RMDN3: variants seen among roughly 807,000 people sequenced by gnomAD.
RMDN3 encodes regulator of microtubule dynamics protein 3.
In RMDN3, 41 loss-of-function variants were observed where a neutral mutation model predicts 61.8. The ratio of observed to expected loss-of-function variants is 0.66; its 90% CI spans 0.52 to 0.86. The LOEUF is 0.86. RMDN3 is among the 40% of genes least tolerant of loss of function. The pLI is 0.00. For missense variants in RMDN3, 557 were observed against 585.3 expected (o/e 0.95, Z 0.50); for synonymous variants, 247 against 232.0 (o/e 1.06, Z -0.59).
intron 5 of RMDN3, 27 bp downstream of exon 5, chr15:40,744,950 G>C (rs762192542): frequency 1.3e-6 from 2 of 1,563,850 alleles, no homozygotes; most frequent in South Asian, 2.4e-5. Context: ...GAGGGAAGGA[G>C]AAGGAGACAG....
At chr15:40,751,736 C>T in intron 3 of RMDN3, 167 bp from the exon 4 acceptor site, 2 of 1,014,668 alleles carry the variant, frequency 2.0e-6, no homozygotes, top group South Asian at 2.7e-5. Context: ...TTCCTGGGCC[C>T]AGCCCGCACA....
chr15:40,736,608 G>A lies in RMDN3; in HGVS notation c.1360-14C>T, dbSNP rs751369428. On this transcript the variant is annotated splice_polypyrimidine_tract_variant and intron_variant, in intron 12 of 12. Coordinates refer to ENST00000338376, the MANE Select transcript of RMDN3 (RefSeq NM_018145.3). The stretch of plus-strand genomic sequence containing the variant: ...GATAGCCAAATCCTAGGGAGACAAA[G>A]AACAAATCTAGGGCTCAAAATTTAA... 87 of 1,613,070 alleles carry A rather than the reference G, an allele frequency of 5.4e-5. No individual in the cohort carries two copies. The highest frequency in any genetic ancestry group is 6.9e-5 in the Non-Finnish European group (81 of 1,179,328).
intron 2 of RMDN3, among the ~76,000 whole-genome samples, chr15:40,753,712 G>A (rs964554495): frequency 3.3e-5 from 5 of 152,134 alleles, no homozygotes; most frequent in African/African-American, 7.2e-5. Context: ...GCCCTATGCC[G>A]TAGAAAGTCC....
chr15:40,746,920 A>G (rs1263125062), intron 4 of RMDN3, among the ~76,000 whole-genome samples: 1 of 152,136 alleles, frequency 6.6e-6, no homozygotes, highest in Non-Finnish European at 1.5e-5. Context: ...GGACAAGGAT[A>G]AGTGTCATTA....
At chr15:40,754,552 C>T (rs769976365) in intron 2 of RMDN3, 45 bp downstream of exon 2, 4 of 1,558,858 alleles carry the variant, frequency 2.6e-6, no homozygotes, top group Non-Finnish European at 3.5e-6. Flanking sequence ...AGACCTCAGG[C>T]CCATTAGTCT....
chr15:40,754,394 CG>C (rs527294745), intron 2 of RMDN3, among the ~76,000 whole-genome samples: 2,043 of 152,274 alleles, frequency 0.013, 22 homozygotes, highest in Middle Eastern at 0.037. Flanking sequence ...GTGATCCGCC[CG>C]CCTCGGCCTC....
rs756574720 is a variant in RMDN3, at chr15:40,746,516, C to CAA, written c.525-1259_525-1258dup. Among the ~76,000 whole-genome samples the CAA allele has an allele frequency of 2.4e-3, 205 of 85,790 alleles. 3 individuals carry two copies. Among genetic ancestry groups the CAA allele is most frequent in the East Asian group, 8.4e-3 (26 of 3,080 alleles). 56.3% of individuals were successfully genotyped at this position (85,790 alleles called of 152,430 possible). On this transcript the variant is annotated intron_variant, in intron 4 of 12. Coordinates refer to ENST00000338376, the MANE Select transcript of RMDN3 (RefSeq NM_018145.3). The stretch of plus-strand genomic sequence containing the variant: ...TGGGCGACAGAGCAAGACTCCGTCT[C>CAA]AAAAAAAAAAAAAAAAAAGAATAGG...
chr15:40,736,727 T>C, intron 12 of RMDN3, 133 bp from the exon 13 acceptor site: 1 of 742,058 alleles, frequency 1.3e-6, no homozygotes, highest in Admixed American at 2.6e-5. Flanking sequence ...TTCCCCAGGA[T>C]AGCCTGGAGC....
intron 4 of RMDN3, among the ~76,000 whole-genome samples, chr15:40,746,966 C>T (rs1338502160): frequency 2.0e-5 from 3 of 151,882 alleles, no homozygotes; most frequent in African/African-American, 7.3e-5. Context: ...ATGAGGGAGA[C>T]CACCCACAGG....
Position 40,737,957 on chromosome 15 carries a change from C to T in RMDN3, c.1125+8G>A. On this transcript the variant is annotated splice_region_variant and intron_variant, in intron 9 of 12. Coordinates refer to ENST00000338376, the MANE Select transcript of RMDN3 (RefSeq NM_018145.3). ...GACCATTATGTCAAGCACTGAAACGCAGCTTACCTGATAGCACCACCTGCC... is the reference window on the plus strand; with the variant it reads ...GACCATTATGTCAAGCACTGAAACGTAGCTTACCTGATAGCACCACCTGCC... 1.9e-6 allele frequency: 3 copies of T among 1,614,066 alleles called. No individual in the cohort carries two copies. Among genetic ancestry groups the T allele is most frequent in the Non-Finnish European group, 2.5e-6 (3 of 1,179,940 alleles).
rs1302207954 is a variant in RMDN3 at position 40,737,148 on chromosome 15, C to T, written c.1335G>A (p.Leu445=). 1.9e-6 allele frequency: 3 copies of T among 1,614,212 alleles called. No individual in the cohort carries two copies. Among genetic ancestry groups the T allele is most frequent in the East Asian group, 2.2e-5 (1 of 44,884 alleles). The stretch of plus-strand genomic sequence containing the variant: ...CCTCCTTCGTGACATCTGGCAGCTC[C>T]AGGGCCAACTTCATCCACCATCTAG... The part of the protein sequence containing the change: ...SEARWWMKLA[L]ELPDVTKEDL... The change falls in exon 12 of 13, where the codon CTG becomes CTA. Residue 445 remains leucine, a synonymous_variant. Transcript: ENST00000338376.
In RMDN3 at chr15:40,752,897, A is replaced by C. The variant is rs1003503738; in HGVS notation, c.188-719T>G. On this transcript the variant is annotated intron_variant, in intron 2 of 12. Coordinates refer to ENST00000338376, the MANE Select transcript of RMDN3 (RefSeq NM_018145.3). ...GGCAGGACCCTACAATACGGCAAGC[A>C]TAAATCCCTTCTTAAAGGAAATCTG... is the stretch of plus-strand genomic sequence containing the variant. Among the ~76,000 whole-genome samples, 30 of 152,356 alleles carry C rather than the reference A, an allele frequency of 2.0e-4. 1 individual carries two copies. The highest frequency in any genetic ancestry group is 7.0e-4 in the African/African-American group (29 of 41,596).
chr15:40,741,620 A>ATTTTTTTTTTTTTTTTTTTTTTTTTT (rs553262858), intron 6 of RMDN3, among the ~76,000 whole-genome samples: 2 of 71,734 alleles, frequency 2.8e-5, no homozygotes, highest in African/African-American at 1.0e-4. Flanking sequence ...GCAACATAGG[A>ATTTTTTTTTTTTTTTTTTTTTTTTTT]TTTTTTTTTT....
At chr15:40,746,532 A>G (rs1025553871) in intron 4 of RMDN3, among the ~76,000 whole-genome samples, 2 of 151,932 alleles carry the variant, frequency 1.3e-5, no homozygotes, top group Non-Finnish European at 2.9e-5. Context: ...AAAAAAAAAA[A>G]AAGAATAGGC....
At chr15:40,747,890 C>A (rs928842620) in intron 4 of RMDN3, 9 of 152,150 alleles carry the variant, frequency 5.9e-5, no homozygotes, top group African/African-American at 2.2e-4. Context: ...GGCACATGGA[C>A]CCTGACCTTG....
At chr15:40,738,159 G>A (rs1596039003) in intron 8 of RMDN3, 117 bp from the exon 9 acceptor site, 1 of 1,061,906 alleles carries the variant, frequency 9.4e-7, no homozygotes, top group African/African-American at 1.6e-5. Context: ...AGCTGAGGCA[G>A]GTGGATCACC....
At chr15:40,744,930 TGGAGGGAG>T (rs754147339) in intron 5 of RMDN3, 39 bp downstream of exon 5, 1 of 1,529,332 alleles carries the variant, frequency 6.5e-7, no homozygotes, top group South Asian at 1.3e-5. Flanking sequence ...AACAGAGAGA[TGGAGGGAG>T]GGAGGGAAGG....
At chr15:40,754,266 GA>G (rs1897945994) in intron 2 of RMDN3, among the ~76,000 whole-genome samples, 1 of 151,954 alleles carries the variant, frequency 6.6e-6, no homozygotes, top group Non-Finnish European at 1.5e-5. Flanking sequence ...CAGTAGCTGG[GA>G]CTACAGGCCG....
At chr15:40,743,145 G>C (rs1366414822) in intron 6 of RMDN3, among the ~76,000 whole-genome samples, 2 of 152,176 alleles carry the variant, frequency 1.3e-5, no homozygotes, top group African/African-American at 4.8e-5. Flanking sequence ...AACTGGCCAG[G>C]CACAGTGGTT....
Sources: gnomAD v4.1 joint callset for allele counts (sites outside exome capture counted in the v4.1 genomes callset) on GRCh38, gnomAD v4.1.1 for gene constraint, MANE v1.5 for transcripts, NCBI Gene and HGNC (gene_info 2026-07-23, HGNC 2026-07-21) for gene names.